Variants in ZNF566 observed in about 807,000 individuals in gnomAD.
ZNF566 encodes the protein zinc finger protein 566.
In ZNF566, 27 loss-of-function variants were observed where a neutral mutation model predicts 32.8. That is an observed-to-expected ratio of 0.82 (90% CI 0.61 to 1.14). The LOEUF (loss-of-function observed/expected upper bound fraction) is 1.14. Among genes scored for constraint, ZNF566 ranks in the 50% most tolerant of loss-of-function variants. The pLI, the probability that ZNF566 is intolerant of heterozygous loss-of-function variation, is 0.00. For missense variants in ZNF566, 402 were observed against 490.4 expected (o/e 0.82, Z 1.70); for synonymous variants, 154 against 159.5 (o/e 0.97, Z 0.26).
chr19:36,462,233 C>CTGAAGGTGGGTG (rs2033485388), intron 4 of ZNF566, among the ~76,000 whole-genome samples: 1 of 152,064 alleles, frequency 6.6e-6, no homozygotes, highest in Non-Finnish European at 1.5e-5. Context: ...GGTGATCCAC[C>CTGAAGGTGGGTG]CACCTCGGCC....
At position 36,448,941 on chromosome 19, in the gene ZNF566, A is replaced by G. The variant is rs758597002; in HGVS notation, c.*36T>C. 1.9e-5 allele frequency: 28 copies of G among 1,492,726 alleles called. 1 individual carries two copies. Among genetic ancestry groups the G allele is most frequent in the Non-Finnish European group, 2.4e-5 (27 of 1,115,726 alleles). The allele number at this position is 1,492,726 out of a possible 1,614,324, so 92.5% of individuals were successfully genotyped here. ...ATAAATTCTGTTTTGAGCCATAATTAAAAGCCTCCCTACACATTTCATATA... is the reference window on the plus strand; with the variant it reads ...ATAAATTCTGTTTTGAGCCATAATTGAAAGCCTCCCTACACATTTCATATA... On this transcript the variant is annotated 3_prime_UTR_variant, in exon 5 of 5. Coordinates refer to ENST00000452939, the MANE Select transcript of ZNF566 (RefSeq NM_001145344.1).
At position 36,449,114 on chromosome 19, in the gene ZNF566, T is replaced by A; in HGVS notation, c.1120A>T (p.Lys374Ter). The part of the protein sequence containing the change: ...EKPYECKICG[K>*]AYSQSSQLIS... ...AGCTGTGAACTCTGAGAATAAGCCT[T>A]CCCACATATCTTACATTCATAGGGT... is the stretch of plus-strand genomic sequence containing the variant. The change falls in exon 5 of 5, where the codon AAG becomes TAG. Residue 374 changes from lysine (K) to a stop codon, truncating the protein, a stop_gained. Coordinates refer to ENST00000452939, the MANE Select transcript of ZNF566 (RefSeq NM_001145344.1). LOFTEE classifies it high-confidence loss of function. The A allele has an allele frequency of 3.7e-6, 6 of 1,614,124 alleles. No individual in the cohort carries two copies. The highest frequency in any genetic ancestry group is 5.1e-6 in the Non-Finnish European group (6 of 1,179,996).
intron 4 of ZNF566, among the ~76,000 whole-genome samples, chr19:36,458,856 T>C (rs1034983849): frequency 2.0e-5 from 3 of 152,200 alleles, no homozygotes; most frequent in East Asian, 1.9e-4. Context: ...TAAATACATA[T>C]AATTTTTCTT....
intron 1 of ZNF566, among the ~76,000 whole-genome samples, chr19:36,483,464 C>G (rs1298352730): frequency 6.6e-6 from 1 of 151,936 alleles, no homozygotes; most frequent in Non-Finnish European, 1.5e-5. Context: ...AGGGAAAATA[C>G]AAGATGAACC....
intron 1 of ZNF566, among the ~76,000 whole-genome samples, chr19:36,484,358 A>T (rs1248695904): frequency 6.6e-6 from 1 of 152,180 alleles, no homozygotes. Context: ...CAAATATAGA[A>T]GTACAAAGTC....
chr19:36,462,239 C>T (rs903074730), intron 4 of ZNF566, among the ~76,000 whole-genome samples: 2 of 152,064 alleles, frequency 1.3e-5, no homozygotes, highest in Non-Finnish European at 2.9e-5. Flanking sequence ...CCACCCACCT[C>T]GGCCTCCCAA....
At chr19:36,454,674 C>T (rs1226482572) in intron 4 of ZNF566, among the ~76,000 whole-genome samples, 2 of 152,040 alleles carry the variant, frequency 1.3e-5, no homozygotes, top group Non-Finnish European at 2.9e-5. Context: ...ACTACCAAAC[C>T]TGAATCATGA....
intron 4 of ZNF566, among the ~76,000 whole-genome samples, chr19:36,470,271 G>A (rs189845081): frequency 6.0e-4 from 91 of 152,230 alleles, no homozygotes; most frequent in African/African-American, 2.1e-3. Context: ...CATCTATGCT[G>A]CGTCCAGTAA....
rs913243934 is a variant in ZNF566 at position 36,448,395 on chromosome 19, A to C, written c.*582T>G. 36 of 152,296 alleles carry C rather than the reference A, an allele frequency of 2.4e-4. No homozygotes were observed. Among genetic ancestry groups the C allele is most frequent in the African/African-American group, 8.4e-4 (35 of 41,574 alleles). The allele number at this position is 152,296 out of a possible 1,614,324, so 9.4% of individuals were successfully genotyped here. A position where few individuals can be genotyped will look rare whatever the true frequency, so the allele number is the denominator to read the frequency against. ...ACAAAACACCATGAAGATAATGAAGAATCTCTATTGAGTAAAATGTCGTTC... is the reference window on the plus strand; with the variant it reads ...ACAAAACACCATGAAGATAATGAAGCATCTCTATTGAGTAAAATGTCGTTC... On this transcript the variant is annotated 3_prime_UTR_variant, in exon 5 of 5. Transcript: ENST00000452939.
At chr19:36,477,299 C>A (rs554928084) in intron 1 of ZNF566, among the ~76,000 whole-genome samples, 8 of 152,048 alleles carry the variant, frequency 5.3e-5, no homozygotes, top group African/African-American at 1.9e-4. Flanking sequence ...TATGAGCCAC[C>A]GCGCCTGGCC....
chr19:36,487,886 A>G (rs1168664524), intron 1 of ZNF566, among the ~76,000 whole-genome samples: 2 of 142,824 alleles, frequency 1.4e-5, no homozygotes, highest in Non-Finnish European at 3.0e-5. Context: ...GACAAGAGCA[A>G]GACTCTGTCT....
intron 1 of ZNF566, among the ~76,000 whole-genome samples, chr19:36,486,894 C>T (rs1256725541): frequency 6.6e-6 from 1 of 150,620 alleles, no homozygotes; most frequent in Non-Finnish European, 1.5e-5. Context: ...CTGAGGCGGG[C>T]GGGAGTTTCA....
chr19:36,487,089 C>CAAA lies in ZNF566; in HGVS notation c.-60+2394_-60+2396dup, dbSNP rs930555456. ...TGGGCCACAGAGCGAGACTCCGTCT[C>CAAA]AAAAAAAAAAAAAAAAACAAACCAA... is the stretch of plus-strand genomic sequence containing the variant. On this transcript the variant is annotated intron_variant, in intron 1 of 4. Coordinates refer to ENST00000452939, the MANE Select transcript of ZNF566 (RefSeq NM_001145344.1). Among the ~76,000 whole-genome samples the CAAA allele has an allele frequency of 2.3e-3, 106 of 46,656 alleles. 1 individual carries two copies. The highest frequency in any genetic ancestry group is 2.7e-3 in the Non-Finnish European group (62 of 23,364). 30.6% of individuals were successfully genotyped at this position (46,656 alleles called of 152,430 possible). A position where few individuals can be genotyped will look rare whatever the true frequency, so the allele number is the denominator to read the frequency against.
At chr19:36,485,476 C>T (rs1313971235) in intron 1 of ZNF566, among the ~76,000 whole-genome samples, 1 of 146,626 alleles carries the variant, frequency 6.8e-6, no homozygotes, top group African/African-American at 2.5e-5. Flanking sequence ...AAAAAAGTGG[C>T]CGGTGCTGGG....
chr19:36,447,480 A>T lies in ZNF566; in HGVS notation c.*1497T>A, dbSNP rs2033023825. The T allele has an allele frequency of 6.6e-6, 1 of 152,140 alleles. No homozygotes were observed. The highest frequency in any genetic ancestry group is 2.1e-4 in the South Asian group (1 of 4,832). The allele number at this position is 152,140 out of a possible 1,614,324, so 9.4% of individuals were successfully genotyped here. A position where few individuals can be genotyped will look rare whatever the true frequency, so the allele number is the denominator to read the frequency against. On this transcript the variant is annotated 3_prime_UTR_variant, in exon 5 of 5. Coordinates refer to ENST00000452939, the MANE Select transcript of ZNF566 (RefSeq NM_001145344.1). ...GAGTCCTAATTTTCTTGGAGTCAAT[A>T]TTGATGTATATTTTCCTTAAAAACC...
At chr19:36,473,238 C>T (rs562329648) in intron 3 of ZNF566, 94 bp downstream of exon 3, 498 of 1,459,982 alleles carry the variant, frequency 3.4e-4, no homozygotes, top group African/African-American at 3.3e-3. Context: ...TATCAAAATT[C>T]GACTGGTTTT....
intron 4 of ZNF566, among the ~76,000 whole-genome samples, chr19:36,466,188 G>T (rs2033608538): frequency 6.6e-6 from 1 of 152,138 alleles, no homozygotes; most frequent in Admixed American, 6.5e-5. Context: ...TTCTCTAATG[G>T]AAAGGAACAA....
At chr19:36,480,288 C>CT (rs773998048) in intron 1 of ZNF566, among the ~76,000 whole-genome samples, 157 of 136,820 alleles carry the variant, frequency 1.1e-3, no homozygotes, top group East Asian at 6.6e-3. Context: ...ATTTTTTTTT[C>CT]TTTTTTTTTT....
rs1177296685 is a variant in ZNF566, at chr19:36,457,689, C to T, written c.233-7688G>A. ...GGTGGATCACTTGAGGTCAGGAGTTCGACACCAGCCTGACCAACATGATGA... is the reference window on the plus strand; with the variant it reads ...GGTGGATCACTTGAGGTCAGGAGTTTGACACCAGCCTGACCAACATGATGA... On this transcript the variant is annotated intron_variant, in intron 4 of 4. Coordinates refer to ENST00000452939, the MANE Select transcript of ZNF566 (RefSeq NM_001145344.1). 3.9e-5 allele frequency among the ~76,000 whole-genome samples: 6 copies of T among 152,068 alleles called. No individual in the cohort carries two copies. In the East Asian group the frequency reaches 7.7e-4, roughly 20 times the overall value.
Sources: gnomAD v4.1 joint callset for allele counts (sites outside exome capture counted in the v4.1 genomes callset) on GRCh38, gnomAD v4.1.1 for gene constraint, MANE v1.5 for transcripts, NCBI Gene and HGNC (gene_info 2026-07-23, HGNC 2026-07-21) for gene names.